The following HEATR3 variants were observed in gnomAD, a reference collection of about 807,000 sequenced individuals.
HEATR3 encodes HEAT repeat-containing protein 3.
A neutral mutation model predicts 72.8 loss-of-function variants in HEATR3; 56 were observed. The observed-to-expected ratio is 0.77, with a 90% confidence interval of 0.62 to 0.96. The LOEUF (loss-of-function observed/expected upper bound fraction) is 0.96, where lower values mean the gene tolerates loss of function less well. Among genes scored for constraint, HEATR3 ranks in the 40% least tolerant of loss-of-function variants. The probability of loss-of-function intolerance (pLI) is 0.00; values close to 1 mark genes in which losing one functional copy is unlikely to be tolerated. For missense variants in HEATR3, 747 were observed against 831.4 expected, an observed-to-expected ratio of 0.90 and a Z score of 1.25; for synonymous variants, 331 against 318.1, an observed-to-expected ratio of 1.04 and a Z score of -0.43.
chr16:50,098,078 T>A (rs1366941331), intron 12 of HEATR3, among the ~76,000 whole-genome samples: 2 of 152,170 alleles, frequency 1.3e-5, no homozygotes, highest in African/African-American at 2.4e-5. Context: ...GGCATTTTTT[T>A]AGGAGACAAA....
At position 50,070,231 on chromosome 16, in the gene HEATR3, G is replaced by A. The variant is rs779982412; in HGVS notation, c.453G>A (p.Gln151=). The change falls in exon 4 of 15, where the codon CAG becomes CAA. Residue 151 remains glutamine, a synonymous_variant. Transcript: ENST00000299192. ...TGTCTCTGCAGGAGAAAAAAGATCAGAACAGAAATTCTATTGAGAACATAG... is the reference window on the plus strand; with the variant it reads ...TGTCTCTGCAGGAGAAAAAAGATCAAAACAGAAATTCTATTGAGAACATAG... ...NEMSLQEKKD[Q]NRNSIENIAN... 6.2e-7 allele frequency: 1 copy of A among 1,610,912 alleles called. No individual in the cohort carries two copies. The highest frequency in any genetic ancestry group is 8.5e-7 in the Non-Finnish European group (1 of 1,178,046).
chr16:50,078,767 A>G lies in HEATR3; in HGVS notation c.790A>G (p.Ile264Val). ...CACAATTTGGAATCTAAAGGACATT[A>G]TTCCATGCAAGAGTCAAGCAGAAAT... Reference protein sequence around the residue: ...AGTIWNLKDIIPCKSQAEIIN... With the variant: ...AGTIWNLKDIVPCKSQAEIIN... Residue 264 changes from isoleucine (I) to valine (V), a missense_variant, in exon 7 of 15, where the codon ATT becomes GTT. Physicochemically the swap from Ile to Val is conservative, Grantham distance 29. Around this residue, in one of 2 missense-constraint regions of HEATR3, gnomAD observed 586 missense variants for 708.8 expected, o/e 0.83. Transcript: ENST00000299192. 1 of 1,613,862 alleles carries G rather than the reference A, an allele frequency of 6.2e-7. No homozygotes were observed.
intron 7 of HEATR3, among the ~76,000 whole-genome samples, chr16:50,079,840 A>G (rs143255703): frequency 1.7e-3 from 262 of 152,294 alleles, no homozygotes; most frequent in Non-Finnish European, 3.0e-3. Flanking sequence ...ACAGACACAT[A>G]AAACCATGGC....
chr16:50,086,233 C>T lies in HEATR3; in HGVS notation c.1392C>T (p.Cys464=), dbSNP rs1435335145. 1.6e-5 allele frequency: 25 copies of T among 1,579,254 alleles called. No homozygotes were observed. Among genetic ancestry groups the T allele is most frequent in the South Asian group, 3.4e-5 (3 of 86,984 alleles). ...PLIRKMNTIQ[C]RALFCLQSLV... ...TTTCCAGAATGAACACTATTCAGTG[C>T]AGAGCCCTCTTCTGTCTCCAGAGTC... The change falls in exon 11 of 15, where the codon TGC becomes TGT. Residue 464 remains cysteine, a synonymous_variant. Coordinates refer to ENST00000299192, the MANE Select transcript of HEATR3 (RefSeq NM_182922.4).
Position 50,066,258 on chromosome 16 carries a change from C to G in HEATR3, c.127C>G (p.Leu43Val). The G allele has an allele frequency of 8.9e-6, 14 of 1,567,058 alleles. No homozygotes were observed. The highest frequency in any genetic ancestry group is 1.1e-5 in the Non-Finnish European group (13 of 1,159,592). The change falls in exon 1 of 15, where the codon CTG becomes GTG. Residue 43 changes from leucine (L) to valine (V), a missense_variant. Leu to Val is a conservative substitution (Grantham distance 32). Transcript: ENST00000299192. ...GEEDDGPAAELLEKLQHPSAE... is the reference protein window; with the variant it reads ...GEEDDGPAAEVLEKLQHPSAE... ...GGAGGACGACGGGCCGGCGGCGGAG[C>G]TGCTGGAAAAGGTGAGGCGAGGGCT... is the stretch of plus-strand genomic sequence containing the variant.
rs2037473101 is a variant in HEATR3, at chr16:50,105,722, T to C, written c.*661T>C. On this transcript the variant is annotated 3_prime_UTR_variant, in exon 15 of 15. Coordinates refer to ENST00000299192, the MANE Select transcript of HEATR3 (RefSeq NM_182922.4). ...ACCCACCACCACACCTTGTTTTTGT[T>C]TTTGGTTTTTTGGTTTGTTTTTTTT... The C allele has an allele frequency of 6.6e-6, 1 of 151,654 alleles. No individual in the cohort carries two copies. Among genetic ancestry groups the C allele is most frequent in the African/African-American group, 2.4e-5 (1 of 41,268 alleles). The allele number at this position is 151,654 out of a possible 1,614,324, so 9.4% of individuals were successfully genotyped here. A position where few individuals can be genotyped will look rare whatever the true frequency, so the allele number is the denominator to read the frequency against.
chr16:50,101,616 T>A (rs1488318321), intron 13 of HEATR3, among the ~76,000 whole-genome samples: 1 of 152,238 alleles, frequency 6.6e-6, no homozygotes, highest in Non-Finnish European at 1.5e-5. Context: ...GGATCAGTTG[T>A]CCAATATAGT....
At position 50,072,663 on chromosome 16, in the gene HEATR3, TTAAAG is replaced by T. The variant is rs761749029; in HGVS notation, c.574_578del (p.Lys192PhefsTer3). The T allele has an allele frequency of 8.7e-6, 14 of 1,609,538 alleles. No individual in the cohort carries two copies. Among genetic ancestry groups the T allele is most frequent in the African/African-American group, 1.3e-5 (1 of 74,880 alleles). ...CAAAGAAGGGTGTTTGGAGATTGTG[TTAAAG>T]TATTTAAGTAGGTTTCCTACCAATG... On this transcript the variant is annotated frameshift_variant, in exon 5 of 15. Transcript: ENST00000299192. LOFTEE classifies it high-confidence loss of function.
intron 7 of HEATR3, among the ~76,000 whole-genome samples, chr16:50,082,908 G>A (rs4442804): frequency 0.68 from 102,985 of 151,320 alleles, 35,267 homozygotes; most frequent in South Asian, 0.72. Context: ...CTCCTGCCTT[G>A]GCCTCCCAAG....
intron 12 of HEATR3, among the ~76,000 whole-genome samples, chr16:50,096,951 A>G (rs1375437421): frequency 6.6e-6 from 1 of 152,166 alleles, no homozygotes; most frequent in Non-Finnish European, 1.5e-5. Context: ...CATTTTCTGC[A>G]CTGGCAGATT....
chr16:50,097,873 C>G (rs61600583), intron 12 of HEATR3, among the ~76,000 whole-genome samples: 1 of 149,916 alleles, frequency 6.7e-6, no homozygotes, highest in Admixed American at 6.7e-5. Flanking sequence ...CAAGATTGCA[C>G]TGCACTCCAG....
chr16:50,067,230 C>T (rs1202344303), intron 2 of HEATR3, among the ~76,000 whole-genome samples: 1 of 152,030 alleles, frequency 6.6e-6, no homozygotes, highest in Non-Finnish European at 1.5e-5. Flanking sequence ...TGGTGGGTGC[C>T]TGTAATCCCA....
At chr16:50,070,632 G>A (rs2036590795) in intron 4 of HEATR3, among the ~76,000 whole-genome samples, 1 of 152,046 alleles carries the variant, frequency 6.6e-6, no homozygotes. Context: ...AACCCTGGAG[G>A]CAGAGCTTGC....
intron 7 of HEATR3, among the ~76,000 whole-genome samples, chr16:50,079,837 C>A (rs1256884522): frequency 6.6e-6 from 1 of 152,166 alleles, no homozygotes; most frequent in Non-Finnish European, 1.5e-5. Flanking sequence ...AAGACAGACA[C>A]ATAAAACCAT....
intron 2 of HEATR3, among the ~76,000 whole-genome samples, chr16:50,068,052 G>A (rs553872290): frequency 6.6e-6 from 1 of 152,018 alleles, no homozygotes; most frequent in Non-Finnish European, 1.5e-5. Context: ...GTTGATGGAG[G>A]GGGGATAGAC....
At chr16:50,102,595 A>G (rs1033216626) in intron 14 of HEATR3, among the ~76,000 whole-genome samples, 160 bp downstream of exon 14, 2 of 152,184 alleles carry the variant, frequency 1.3e-5, no homozygotes, top group South Asian at 2.1e-4. Flanking sequence ...TGACTGAGTC[A>G]TAGCTCAACA....
intron 3 of HEATR3, among the ~76,000 whole-genome samples, chr16:50,069,857 C>T (rs913778822): frequency 6.6e-6 from 1 of 152,176 alleles, no homozygotes; most frequent in Non-Finnish European, 1.5e-5. Flanking sequence ...AGTTCACCTA[C>T]CTCATAGGTT....
chr16:50,085,986 C>G (rs572245778), intron 10 of HEATR3, among the ~76,000 whole-genome samples: 1 of 150,314 alleles, frequency 6.7e-6, no homozygotes, highest in Non-Finnish European at 1.5e-5. Context: ...TGTGATCACA[C>G]CACTGCACTC....
chr16:50,103,265 GTTCTGATTGAT>G (rs549703780), intron 14 of HEATR3, among the ~76,000 whole-genome samples: 113 of 152,294 alleles, frequency 7.4e-4, no homozygotes, highest in Middle Eastern at 3.4e-3. Context: ...AAAGGTCTTT[GTTCTGATTGAT>G]TTTCCTACTC....
Sources: allele counts gnomAD v4.1 joint callset (sites outside exome capture counted in the v4.1 genomes callset), GRCh38; gene constraint gnomAD v4.1.1; regional missense constraint gnomAD v4.1.1; transcripts MANE v1.5; gene names NCBI Gene and HGNC (gene_info 2026-07-23, HGNC 2026-07-21).